Variants in CTNNA2 observed in about 807,000 individuals in gnomAD.
CTNNA2 encodes the protein catenin alpha-2.
CTNNA2 carries 42 observed loss-of-function variants against 101.0 expected under a neutral mutation model. The ratio of observed to expected loss-of-function variants is 0.42; its 90% CI spans 0.32 to 0.54. The LOEUF is 0.54. Ranked by LOEUF, CTNNA2 falls within the 20% of genes least tolerant of loss-of-function variation. The probability of loss-of-function intolerance (pLI) is 0.14; values close to 1 mark genes in which losing one functional copy is unlikely to be tolerated. For missense variants in CTNNA2, 871 were observed against 1,223.1 expected (o/e 0.71, Z 4.29); for synonymous variants, 450 against 456.4 (o/e 0.99, Z 0.18).
At chr2:79,937,642 T>C (rs564343928) in intron 7 of CTNNA2, among the ~76,000 whole-genome samples, 294 of 152,194 alleles carry the variant, frequency 1.9e-3, no homozygotes, top group Admixed American at 4.5e-3. Context: ...GACATGAAAA[T>C]GAAATTAAAT....
intron 12 of CTNNA2, among the ~76,000 whole-genome samples, chr2:80,564,918 C>T (rs927971094): frequency 2.0e-5 from 3 of 152,128 alleles, no homozygotes; most frequent in African/African-American, 7.2e-5. Flanking sequence ...TATCATTGGT[C>T]TAGGCAGAGG....
intron 3 of CTNNA2, among the ~76,000 whole-genome samples, chr2:79,791,466 A>C (rs1270741385): frequency 6.6e-6 from 1 of 152,186 alleles, no homozygotes; most frequent in Non-Finnish European, 1.5e-5. Context: ...ATGTATTGAG[A>C]TAATGTTTGT....
chr2:79,434,088 T>C (rs1678684876), intron 4 of CTNNA2, among the ~76,000 whole-genome samples: 1 of 151,964 alleles, frequency 6.6e-6, no homozygotes, highest in Non-Finnish European at 1.5e-5. Context: ...GAGCCCAGGA[T>C]TTCGAGACCA....
intron 7 of CTNNA2, among the ~76,000 whole-genome samples, chr2:80,306,399 C>A (rs929442168): frequency 5.3e-5 from 5 of 94,396 alleles, no homozygotes; most frequent in East Asian, 6.3e-4. Context: ...CTTTTCTTTT[C>A]TTTTCTTTCT....
chr2:79,446,341 G>T (rs1377338489), intron 4 of CTNNA2, among the ~76,000 whole-genome samples: 1 of 151,972 alleles, frequency 6.6e-6, no homozygotes, highest in Non-Finnish European at 1.5e-5. Context: ...CAAATACCAA[G>T]GGTGGTTTTC....
chr2:79,853,530 A>G (rs1180594303), intron 3 of CTNNA2, among the ~76,000 whole-genome samples: 1 of 151,980 alleles, frequency 6.6e-6, no homozygotes, highest in Non-Finnish European at 1.5e-5. Context: ...CTGACCTTAC[A>G]CGCAGGCCCC....
At chr2:80,535,539 TAA>T (rs1301480206) in intron 9 of CTNNA2, among the ~76,000 whole-genome samples, 2 of 152,164 alleles carry the variant, frequency 1.3e-5, no homozygotes, top group African/African-American at 4.8e-5. Context: ...CTGGTGAGAA[TAA>T]GAGTCAGAAC....
At chr2:80,521,598 C>T (rs1458774777) in intron 9 of CTNNA2, among the ~76,000 whole-genome samples, 1 of 152,040 alleles carries the variant, frequency 6.6e-6, no homozygotes, top group Non-Finnish European at 1.5e-5. Flanking sequence ...TAGAGTGATG[C>T]AAGGAGAGAA....
At chr2:79,579,452 C>T (rs1439411572) in intron 1 of CTNNA2, among the ~76,000 whole-genome samples, 2 of 152,100 alleles carry the variant, frequency 1.3e-5, no homozygotes, top group African/African-American at 2.4e-5. Flanking sequence ...ACTTCTCTAT[C>T]GGTGGGACAG....
At chr2:79,340,690 A>G (rs919222718) in intron 3 of CTNNA2, among the ~76,000 whole-genome samples, 7 of 151,892 alleles carry the variant, frequency 4.6e-5, no homozygotes, top group East Asian at 1.9e-4. Context: ...AAATTTAGCC[A>G]GGCGTGGGTT....
chr2:79,359,020 G>C (rs542078896), intron 3 of CTNNA2, among the ~76,000 whole-genome samples: 1 of 152,148 alleles, frequency 6.6e-6, no homozygotes, highest in South Asian at 2.1e-4. Context: ...ACACCTACTA[G>C]ATATAACATA....
At chr2:80,041,074 A>C (rs1251600715) in intron 7 of CTNNA2, among the ~76,000 whole-genome samples, 2 of 152,084 alleles carry the variant, frequency 1.3e-5, no homozygotes, top group Non-Finnish European at 2.9e-5. Flanking sequence ...ATAAAATGAA[A>C]AAATATATAT....
intron 2 of CTNNA2, among the ~76,000 whole-genome samples, chr2:79,251,780 G>T (rs1674774821): frequency 6.6e-6 from 1 of 152,174 alleles, no homozygotes; most frequent in Non-Finnish European, 1.5e-5. Flanking sequence ...CCTGGTGGCA[G>T]TCTGTAAGAG....
At chr2:80,614,912 A>AT (rs1698728894) in intron 17 of CTNNA2, among the ~76,000 whole-genome samples, 2 of 151,348 alleles carry the variant, frequency 1.3e-5, no homozygotes. Context: ...AAACACTTGA[A>AT]TTTTTCAGTT....
intron 2 of CTNNA2, among the ~76,000 whole-genome samples, chr2:79,257,201 C>G (rs1404946277): frequency 6.6e-6 from 1 of 152,086 alleles, no homozygotes; most frequent in Non-Finnish European, 1.5e-5. Context: ...CACATATACA[C>G]AACCAAAAAT....
intron 7 of CTNNA2, among the ~76,000 whole-genome samples, chr2:80,134,922 G>A (rs954457027): frequency 6.6e-6 from 1 of 152,134 alleles, no homozygotes; most frequent in Admixed American, 6.6e-5. Flanking sequence ...TCTGCATTCC[G>A]ACAATGTTAT....
chr2:80,460,479 AG>A (rs1684334649), intron 9 of CTNNA2, among the ~76,000 whole-genome samples: 1 of 152,174 alleles, frequency 6.6e-6, no homozygotes, highest in African/African-American at 2.4e-5. Flanking sequence ...TTTAAGAAAA[AG>A]CTGGAGAAGC....
intron 7 of CTNNA2, among the ~76,000 whole-genome samples, chr2:80,167,676 G>C (rs1704791816): frequency 6.6e-6 from 1 of 152,168 alleles, no homozygotes; most frequent in African/African-American, 2.4e-5. Flanking sequence ...TAGCCTAAAA[G>C]ATAACTACAG....
At chr2:80,163,204 C>A in intron 7 of CTNNA2, 1 of 1,136,914 alleles carries the variant, frequency 8.8e-7, no homozygotes, top group African/African-American at 1.5e-5. Flanking sequence ...CAAGGTTGCC[C>A]ACAAAGAACT....
Sources: gnomAD v4.1 joint callset for allele counts (sites outside exome capture counted in the v4.1 genomes callset) on GRCh38, gnomAD v4.1.1 for gene constraint, MANE v1.5 for transcripts, NCBI Gene and HGNC (gene_info 2026-07-23, HGNC 2026-07-21) for gene names.